PTPRN2: variants seen among roughly 807,000 people sequenced by gnomAD.
PTPRN2 encodes protein tyrosine phosphatase receptor type N2.
A neutral mutation model predicts 118.8 loss-of-function variants in PTPRN2; 74 were observed. The ratio of observed to expected loss-of-function variants is 0.62; its 90% CI spans 0.52 to 0.76. The LOEUF (loss-of-function observed/expected upper bound fraction) is 0.76, where lower values mean the gene tolerates loss of function less well. PTPRN2 is among the 30% of genes least tolerant of loss of function. The probability of loss-of-function intolerance (pLI) is 0.00; values close to 1 mark genes in which losing one functional copy is unlikely to be tolerated. For synonymous variants in PTPRN2, 641 were observed against 608.0 expected (o/e 1.05, Z -0.80); for missense variants, 1,481 against 1,394.4 (o/e 1.06, Z -0.99).
At chr7:158,249,645 C>T (rs1305664009) in intron 3 of PTPRN2, among the ~76,000 whole-genome samples, 1 of 152,200 alleles carries the variant, frequency 6.6e-6, no homozygotes, top group Non-Finnish European at 1.5e-5. Flanking sequence ...CCAGTTGTGA[C>T]GTCTATGCAG....
At chr7:158,105,490 T>C (rs1815612468) in intron 10 of PTPRN2, among the ~76,000 whole-genome samples, 1 of 150,300 alleles carries the variant, frequency 6.7e-6, no homozygotes, top group Non-Finnish European at 1.5e-5. Flanking sequence ...CTCCATCCCA[T>C]CTCCACTCAG....
intron 2 of PTPRN2, among the ~76,000 whole-genome samples, chr7:158,328,124 A>G (rs1426333269): frequency 6.6e-6 from 1 of 152,168 alleles, no homozygotes; most frequent in African/African-American, 2.4e-5. Context: ...TTCTGCAAGG[A>G]AGCTGTAAAA....
In PTPRN2 at chr7:157,677,963, G is replaced by A. The variant is rs533167700; in HGVS notation, c.2001+4762C>T. Among the ~76,000 whole-genome samples the A allele has an allele frequency of 5.9e-5, 9 of 152,264 alleles. No homozygotes were observed. The South Asian group carries it at 1.5e-3, about 25-fold the overall frequency. Reference sequence around the variant, plus strand: ...GGACAATCTGCAAAACCGAATCCACGTCTCGAAAGTTTCAAGAGAATTCTA... The same window carrying A: ...GGACAATCTGCAAAACCGAATCCACATCTCGAAAGTTTCAAGAGAATTCTA... On this transcript the variant is annotated intron_variant, in intron 13 of 22. Transcript: ENST00000389418.
At chr7:158,363,705 C>T (rs1470280099) in intron 2 of PTPRN2, among the ~76,000 whole-genome samples, 1 of 152,172 alleles carries the variant, frequency 6.6e-6, no homozygotes, top group African/African-American at 2.4e-5. Flanking sequence ...GCCCCCAGAG[C>T]TCTGAGGTGA....
chr7:158,314,970 G>T (rs1802183718), intron 3 of PTPRN2, among the ~76,000 whole-genome samples: 3 of 145,116 alleles, frequency 2.1e-5, no homozygotes, highest in Non-Finnish European at 4.6e-5. Flanking sequence ...GGTGAACCCG[G>T]GACCCCCTGA....
chr7:158,214,737 T>C lies in PTPRN2; in HGVS notation c.278-9464A>G, dbSNP rs1041238824. Among the ~76,000 whole-genome samples the C allele has an allele frequency of 8.5e-5, 13 of 152,106 alleles. 1 individual carries two copies. The East Asian group carries it at 2.3e-3, about 27-fold the overall frequency. ...GTGCCAGCAGAGACCATCTGGGAAGTTGAAACTCCCACCCCTCTCCCTAAC... is the reference window on the plus strand; with the variant it reads ...GTGCCAGCAGAGACCATCTGGGAAGCTGAAACTCCCACCCCTCTCCCTAAC... On this transcript the variant is annotated intron_variant, in intron 3 of 22. Transcript: ENST00000389418.
Position 158,526,085 on chromosome 7 carries a change from A to C in PTPRN2, c.113-36300T>G, listed in dbSNP as rs1264376972. Among the ~76,000 whole-genome samples, 2 of 152,026 alleles carry C rather than the reference A, an allele frequency of 1.3e-5. No homozygotes were observed. The highest frequency in any genetic ancestry group is 2.4e-5 in the African/African-American group (1 of 41,356). ...TCAGCAGCGCTGTGTGGGAAGGGGG[A>C]CTATCTGCCCAGTCCCTGAGGAGAT... On this transcript the variant is annotated intron_variant, in intron 1 of 22. Transcript: ENST00000389418. This position sits in a 1 kb window ranked among gnomAD's most constrained non-coding sequence, Gnocchi z 5.2.
chr7:157,810,137 C>G (rs1207091516), intron 12 of PTPRN2, among the ~76,000 whole-genome samples: 1 of 152,258 alleles, frequency 6.6e-6, no homozygotes, highest in African/African-American at 2.4e-5. Flanking sequence ...TTCTGCGGAG[C>G]CATGTGAGGG....
rs74736577 is a variant in PTPRN2 at position 158,015,472 on chromosome 7, G to A, written c.1723+65826C>T. Among the ~76,000 whole-genome samples, 36 of 141,200 alleles carry A rather than the reference G, an allele frequency of 2.5e-4. 1 individual carries two copies. In the South Asian group the frequency reaches 7.6e-3, roughly 30 times the overall value. The allele number at this position is 141,200 out of a possible 152,430, so 92.6% of individuals were successfully genotyped here. On this transcript the variant is annotated intron_variant, in intron 11 of 22. Coordinates refer to ENST00000389418, the MANE Select transcript of PTPRN2 (RefSeq NM_002847.5). This position sits in a 1 kb window ranked among gnomAD's most constrained non-coding sequence, Gnocchi z 4.2. ...GGGGTGGTGAGAGAGAGAGAGAGAG[G>A]AAGAGAGGGAGAGAGGGAGAGAGGG...
rs376990803 is a variant in PTPRN2, at chr7:158,421,834, A to C, written c.163+67901T>G. On this transcript the variant is annotated intron_variant, in intron 2 of 22. Transcript: ENST00000389418. ...TTAAAAGTAGTGACCAAACCTATTCATCAATGCCTTTGGGCATTCTAATAA... is the reference window on the plus strand; with the variant it reads ...TTAAAAGTAGTGACCAAACCTATTCCTCAATGCCTTTGGGCATTCTAATAA... Among the ~76,000 whole-genome samples, 74 of 152,352 alleles carry C rather than the reference A, an allele frequency of 4.9e-4. 2 individuals carry two copies. The South Asian group carries it at 0.015, about 31-fold the overall frequency.
intron 3 of PTPRN2, among the ~76,000 whole-genome samples, chr7:158,241,026 GCCCAGGGCC>G (rs1459553646): frequency 6.6e-6 from 1 of 152,132 alleles, no homozygotes; most frequent in East Asian, 1.9e-4. Flanking sequence ...GTGCCCTCAG[GCCCAGGGCC>G]CCCTGTGAAC....
At chr7:158,005,078 T>TTC (rs1344975209) in intron 11 of PTPRN2, among the ~76,000 whole-genome samples, 1 of 150,886 alleles carries the variant, frequency 6.6e-6, no homozygotes, top group East Asian at 1.9e-4. Flanking sequence ...GGCCACTATT[T>TTC]TTTTTTTTTT....
rs1008473105 is a variant in PTPRN2, at chr7:158,208,874, C to T, written c.278-3601G>A. Among the ~76,000 whole-genome samples, 16 of 152,026 alleles carry T rather than the reference C, an allele frequency of 1.1e-4. 1 individual carries two copies. The highest frequency in any genetic ancestry group is 6.5e-4 in the Admixed American group (10 of 15,278). ...GATATAAAGATATAAATAGAAACAA[C>T]AAAAAGTTAAAAAGTAGGGGGATGA... On this transcript the variant is annotated intron_variant, in intron 3 of 22. Transcript: ENST00000389418.
rs9691217 is a variant in PTPRN2 at position 158,251,391 on chromosome 7, T to C, written c.278-46118A>G. ...GGGGCGTGTGCAGGTGTGCAATGGA[T>C]GTATACAGTGCATGTGGGGCGTGTG... On this transcript the variant is annotated intron_variant, in intron 3 of 22. Coordinates refer to ENST00000389418, the MANE Select transcript of PTPRN2 (RefSeq NM_002847.5). Among the ~76,000 whole-genome samples the C allele has an allele frequency of 8.3e-3, 1,255 of 152,044 alleles. 27 individuals carry two copies. Among genetic ancestry groups the C allele is most frequent in the African/African-American group, 0.029 (1,194 of 41,482 alleles).
intron 3 of PTPRN2, among the ~76,000 whole-genome samples, chr7:158,270,891 C>A (rs1798389385): frequency 1.0e-5 from 1 of 95,692 alleles, no homozygotes; most frequent in Non-Finnish European, 2.1e-5. Flanking sequence ...TGGATGACCC[C>A]CTCCACCTGG....
intron 1 of PTPRN2, among the ~76,000 whole-genome samples, chr7:158,501,938 G>A (rs922155246): frequency 1.3e-5 from 2 of 152,112 alleles, no homozygotes; most frequent in Admixed American, 6.5e-5. Flanking sequence ...CTAGCTCTGC[G>A]GATGCCTGCG....
At chr7:158,239,581 C>A (rs922934774) in intron 3 of PTPRN2, among the ~76,000 whole-genome samples, 2 of 152,188 alleles carry the variant, frequency 1.3e-5, no homozygotes, top group Non-Finnish European at 2.9e-5. Context: ...CCCTGCGGCC[C>A]CTGCCACTGC....
intron 2 of PTPRN2, among the ~76,000 whole-genome samples, chr7:158,366,264 C>A (rs10273807): frequency 5.9e-5 from 8 of 134,466 alleles, no homozygotes; most frequent in African/African-American, 1.7e-4. Context: ...GCACACACAC[C>A]CACACACCCA....
intron 12 of PTPRN2, among the ~76,000 whole-genome samples, chr7:157,738,488 G>A (rs1284530198): frequency 6.6e-6 from 1 of 152,240 alleles, no homozygotes; most frequent in East Asian, 1.9e-4. Flanking sequence ...TATCCGAGAG[G>A]TGGGTGGGAG....
Sources: allele counts gnomAD v4.1 joint callset (sites outside exome capture counted in the v4.1 genomes callset), GRCh38; gene constraint gnomAD v4.1.1; non-coding constraint Gnocchi (gnomAD v3.1); transcripts MANE v1.5; gene names NCBI Gene and HGNC (gene_info 2026-07-23, HGNC 2026-07-21).